Variants in GLIPR1 observed in about 807,000 individuals in gnomAD.
The protein encoded by GLIPR1 is glioma pathogenesis-related protein 1.
Under a neutral mutation model 30.3 loss-of-function variants are expected in GLIPR1, and 38 were observed. The observed-to-expected ratio is 1.26, with a 90% CI of 0.97 to 1.65. The LOEUF (loss-of-function observed/expected upper bound fraction) is 1.65, where lower values mean the gene tolerates loss of function less well. Ranked by LOEUF, GLIPR1 falls within the 40% of genes most tolerant of loss-of-function variation. The pLI is 0.00. For missense variants in GLIPR1, 285 were observed against 326.5 expected (o/e 0.87, Z 0.98); for synonymous variants, 122 against 110.6 (o/e 1.10, Z -0.65).
At chr12:75,492,690 T>C (rs2046330121) in intron 3 of GLIPR1, 1 of 152,228 alleles carries the variant, frequency 6.6e-6, no homozygotes, top group South Asian at 2.1e-4. Context: ...ACCAAAGTTA[T>C]AATGCTTCCA....
At position 75,498,961 on chromosome 12, in the gene GLIPR1, T is replaced by C. The variant is rs2046370764; in HGVS notation, c.784T>C (p.Leu262=). The C allele has an allele frequency of 1.3e-6, 2 of 1,598,456 alleles. No homozygotes were observed. The highest frequency in any genetic ancestry group is 1.8e-4 in the Middle Eastern group (1 of 5,644). ...TILVQHKYPN[L]VLLD ...TTTGGTACAGCACAAGTACCCTAAT[T>C]TAGTTCTTTTGGACTAATACAATTC... The change falls in exon 6 of 6, where the codon TTA becomes CTA. Residue 262 remains leucine (L), a synonymous_variant. Transcript: ENST00000266659.
At position 75,501,972 on chromosome 12, in the gene GLIPR1, T is replaced by TA. The variant is rs1278017309; in HGVS notation, c.*2995dup. 1.9e-6 allele frequency: 3 copies of TA among 1,612,124 alleles called. No homozygotes were observed. The highest frequency in any genetic ancestry group is 8.5e-7 in the Non-Finnish European group (1 of 1,179,056). ...CTTCTTCTGATTTGCCTTCAAAAAGTATTCACCACTAGCCAATTCTTTATC... is the reference window on the plus strand; with the variant it reads ...CTTCTTCTGATTTGCCTTCAAAAAGTAATTCACCACTAGCCAATTCTTTATC... On this transcript the variant is annotated 3_prime_UTR_variant, in exon 6 of 6. Transcript: ENST00000266659.
In GLIPR1 at chr12:75,497,423, C is replaced by T. The variant is rs542357911; in HGVS notation, c.620-1271C>T. The T allele has an allele frequency of 9.2e-5, 14 of 152,286 alleles. No homozygotes were observed. The East Asian group carries it at 9.6e-4, about 10-fold the overall frequency. The allele number at this position is 152,286 out of a possible 1,614,324, so 9.4% of individuals were successfully genotyped here. ...TATTTATAAGATGTGAAACTCATTA[C>T]CCATTTACTTCAGATAAGTGCTCAA... On this transcript the variant is annotated intron_variant, in intron 4 of 5. Transcript: ENST00000266659.
At chr12:75,486,631 C>T (rs1367436089) in intron 2 of GLIPR1, among the ~76,000 whole-genome samples, 3 of 152,176 alleles carry the variant, frequency 2.0e-5, no homozygotes, top group Admixed American at 6.5e-5. Flanking sequence ...AACTGTGCTA[C>T]ATCCACGTAA....
chr12:75,499,957 C>T lies in GLIPR1; in HGVS notation c.*979C>T. The T allele has an allele frequency of 6.3e-7, 1 of 1,587,282 alleles. No individual in the cohort carries two copies. Among genetic ancestry groups the T allele is most frequent in the Non-Finnish European group, 8.5e-7 (1 of 1,171,714 alleles). On this transcript the variant is annotated 3_prime_UTR_variant, in exon 6 of 6. Transcript: ENST00000266659. ...AATTTTAGTTTCAGTAGAAGCTAGA[C>T]AAATTAAAAGCACAACACATGTAAT...
At chr12:75,486,182 C>T (rs2046293208) in intron 2 of GLIPR1, among the ~76,000 whole-genome samples, 1 of 152,132 alleles carries the variant, frequency 6.6e-6, no homozygotes, top group Admixed American at 6.5e-5. Flanking sequence ...AGCAATAACA[C>T]TTTATAAGGA....
Position 75,495,997 on chromosome 12 carries a change from G to GTTT in GLIPR1, c.619+344_619+346dup, listed in dbSNP as rs370713345. The GTTT allele has an allele frequency of 3.9e-3, 520 of 132,168 alleles. 15 individuals are homozygous for GTTT. Among genetic ancestry groups the GTTT allele is most frequent in the African/African-American group, 6.3e-3 (211 of 33,658 alleles). 8.2% of individuals were successfully genotyped at this position (132,168 alleles called of 1,614,324 possible). A position where few individuals can be genotyped will look rare whatever the true frequency, so the allele number is the denominator to read the frequency against. ...TCCAAACAAACAGAATTCTGTTTTC[G>GTTT]TTTTTTTTTTTGTTTTTTTTTTTTG... On this transcript the variant is annotated intron_variant, in intron 4 of 5. Transcript: ENST00000266659.
rs1478583227 is a variant in GLIPR1, at chr12:75,500,054, C to CAGAGT, written c.*1078_*1082dup. On this transcript the variant is annotated 3_prime_UTR_variant, in exon 6 of 6. Transcript: ENST00000266659. ...AATATATGTTTAAGGCAGTTAACTT[C>CAGAGT]AGAGTATTCTTATAATTGAATAATT... is the stretch of plus-strand genomic sequence containing the variant. 2.4e-6 allele frequency: 2 copies of CAGAGT among 836,798 alleles called. No homozygotes were observed. The highest frequency in any genetic ancestry group is 3.6e-6 in the Non-Finnish European group (2 of 555,880). 51.8% of individuals were successfully genotyped at this position (836,798 alleles called of 1,614,324 possible).
rs2046398706 is a variant in GLIPR1 at position 75,502,137 on chromosome 12, G to GAAAC, written c.*3161_*3164dup. On this transcript the variant is annotated 3_prime_UTR_variant, in exon 6 of 6. Coordinates refer to ENST00000266659, the MANE Select transcript of GLIPR1 (RefSeq NM_006851.3). ...TAATAAAAATGGTAGTGACATAAAG[G>GAAAC]AAACAGAGTCTAAGCTGAGGGGAAT... 1 of 706,060 alleles carries GAAAC rather than the reference G, an allele frequency of 1.4e-6. No homozygotes were observed. The highest frequency in any genetic ancestry group is 2.4e-5 in the Admixed American group (1 of 41,642). 43.7% of individuals were successfully genotyped at this position (706,060 alleles called of 1,614,324 possible). A position where few individuals can be genotyped will look rare whatever the true frequency, so the allele number is the denominator to read the frequency against.
At chr12:75,485,706 A>G (rs1177303084) in intron 2 of GLIPR1, among the ~76,000 whole-genome samples, 1 of 151,102 alleles carries the variant, frequency 6.6e-6, no homozygotes, top group African/African-American at 2.4e-5. Flanking sequence ...GCCCGCCACT[A>G]CGCCCGGCTA....
intron 2 of GLIPR1, among the ~76,000 whole-genome samples, chr12:75,485,557 ATTTATTTT>A (rs1197366434): frequency 1.3e-5 from 2 of 148,204 alleles, no homozygotes; most frequent in Non-Finnish European, 3.0e-5. Context: ...TTATTTATTT[ATTTATTTT>A]TTTGAGACGG....
At position 75,503,787 on chromosome 12, in the gene GLIPR1, C is replaced by T; in HGVS notation, c.*4809C>T. ...CCTCAGTTTCTTATAGCTCTGCACA[C>T]ACACACACAATATATATATATACAC... On this transcript the variant is annotated 3_prime_UTR_variant, in exon 6 of 6. Transcript: ENST00000266659. The T allele has an allele frequency of 1.1e-6, 1 of 926,202 alleles. No homozygotes were observed. Among genetic ancestry groups the T allele is most frequent in the Non-Finnish European group, 1.6e-6 (1 of 622,462 alleles). 57.4% of individuals were successfully genotyped at this position (926,202 alleles called of 1,614,324 possible).
Position 75,496,006 on chromosome 12 carries a change from T to G in GLIPR1, c.619+344T>G, listed in dbSNP as rs1328051077. 59 of 130,964 alleles carry G rather than the reference T, an allele frequency of 4.5e-4. No homozygotes were observed. The East Asian group carries it at 9.7e-3, about 22-fold the overall frequency. 8.1% of individuals were successfully genotyped at this position (130,964 alleles called of 1,614,324 possible). On this transcript the variant is annotated intron_variant, in intron 4 of 5. Coordinates refer to ENST00000266659, the MANE Select transcript of GLIPR1 (RefSeq NM_006851.3). Reference sequence around the variant, plus strand: ...ACAGAATTCTGTTTTCGTTTTTTTTTTTGTTTTTTTTTTTTGAGACAGAGT... The same window carrying G: ...ACAGAATTCTGTTTTCGTTTTTTTTGTTGTTTTTTTTTTTTGAGACAGAGT...
intron 1 of GLIPR1, 114 bp from the exon 2 acceptor site, chr12:75,481,720 A>G (rs2046271710): frequency 1.1e-6 from 1 of 871,118 alleles, no homozygotes. Flanking sequence ...GAGGACTCAT[A>G]TGCAGTGGTA....
intron 2 of GLIPR1, 130 bp from the exon 3 acceptor site, chr12:75,490,276 G>A (rs544746776): frequency 1.7e-6 from 1 of 602,598 alleles, no homozygotes; most frequent in Non-Finnish European, 2.9e-6. Context: ...TGATTTCTGA[G>A]TATCTAAACC....
chr12:75,498,753 G>A lies in GLIPR1; in HGVS notation c.646+33G>A, dbSNP rs763107449. On this transcript the variant is annotated intron_variant, in intron 5 of 5. Coordinates refer to ENST00000266659, the MANE Select transcript of GLIPR1 (RefSeq NM_006851.3). ...CATCAATCTTAAATTGTTTCATTAA[G>A]AGCTATGTGAATTCTGTCAGTGCAT... 17 of 1,608,850 alleles carry A rather than the reference G, an allele frequency of 1.1e-5. No individual in the cohort carries two copies. In the South Asian group the frequency reaches 1.9e-4, roughly 18 times the overall value.
rs1209688080 is a variant in GLIPR1 at position 75,500,918 on chromosome 12, C to T, written c.*1940C>T. ...AGACTGGAAATTATAATACTTATGA[C>T]ATTTCTACCTTTTATATAACCAATA... is the stretch of plus-strand genomic sequence containing the variant. On this transcript the variant is annotated 3_prime_UTR_variant, in exon 6 of 6. Coordinates refer to ENST00000266659, the MANE Select transcript of GLIPR1 (RefSeq NM_006851.3). 6.6e-6 allele frequency: 1 copy of T among 152,038 alleles called. No individual in the cohort carries two copies. Among genetic ancestry groups the T allele is most frequent in the African/African-American group, 2.4e-5 (1 of 41,412 alleles). The allele number at this position is 152,038 out of a possible 1,614,324, so 9.4% of individuals were successfully genotyped here. A position where few individuals can be genotyped will look rare whatever the true frequency, so the allele number is the denominator to read the frequency against.
chr12:75,482,141 C>T lies in GLIPR1; in HGVS notation c.420+62C>T. The T allele has an allele frequency of 2.1e-6, 3 of 1,434,544 alleles. No individual in the cohort carries two copies. In the South Asian group the frequency reaches 3.6e-5, roughly 17 times the overall value. 88.9% of individuals were successfully genotyped at this position (1,434,544 alleles called of 1,614,324 possible). A position where few individuals can be genotyped will look rare whatever the true frequency, so the allele number is the denominator to read the frequency against. On this transcript the variant is annotated intron_variant, in intron 2 of 5. Coordinates refer to ENST00000266659, the MANE Select transcript of GLIPR1 (RefSeq NM_006851.3). ...TTCAAGTATGAGGAGAAAAATTGTA[C>T]TATGAAGTTAAGAAAATGTATAGTA...
chr12:75,490,139 C>CAT (rs2046312855), intron 2 of GLIPR1, among the ~76,000 whole-genome samples: 1 of 151,814 alleles, frequency 6.6e-6, no homozygotes, highest in Non-Finnish European at 1.5e-5. Flanking sequence ...CCAGCAATCA[C>CAT]TCCCTATTGC....
Sources: gnomAD v4.1 joint callset for allele counts (sites outside exome capture counted in the v4.1 genomes callset) on GRCh38, gnomAD v4.1.1 for gene constraint, MANE v1.5 for transcripts, NCBI Gene and HGNC (gene_info 2026-07-23, HGNC 2026-07-21) for gene names.